NAALADL2: variants seen among roughly 807,000 people sequenced by gnomAD.
NAALADL2 encodes N-acetylated alpha-linked acidic dipeptidase like 2.
NAALADL2 carries 76 observed loss-of-function variants against 87.2 expected under a neutral mutation model. The ratio of observed to expected loss-of-function variants is 0.87; its 90% CI spans 0.72 to 1.05. NAALADL2 has a LOEUF of 1.05. Ranked by LOEUF, NAALADL2 falls within the 50% of genes least tolerant of loss-of-function variation. The pLI is 0.00. For synonymous variants in NAALADL2, 354 were observed against 331.0 expected, an observed-to-expected ratio of 1.07 and a Z score of -0.75; for missense variants, 1,089 against 945.8, an observed-to-expected ratio of 1.15 and a Z score of -1.99.
intron 1 of NAALADL2, among the ~76,000 whole-genome samples, chr3:174,982,184 A>G (rs1745213663): frequency 6.6e-6 from 1 of 152,158 alleles, no homozygotes; most frequent in African/African-American, 2.4e-5. Flanking sequence ...GGCAGTTTTT[A>G]GATAGTCTGG....
chr3:175,250,253 C>CTGTGTGTGTGTGTGTGTG (rs147841608), intron 3 of NAALADL2, among the ~76,000 whole-genome samples: 1 of 146,084 alleles, frequency 6.8e-6, no homozygotes, highest in Non-Finnish European at 1.5e-5. Flanking sequence ...CTCACTTTTT[C>CTGTGTGTGTGTGTGTGTG]TGTGTGTGTG....
chr3:174,924,248 C>T (rs1458106158), intron 1 of NAALADL2, among the ~76,000 whole-genome samples: 5 of 118,560 alleles, frequency 4.2e-5, no homozygotes, highest in African/African-American at 1.6e-4. Flanking sequence ...TGCGTGATGT[C>T]CCCCTTCCTG....
chr3:175,137,606 CCT>C (rs1491311499), intron 2 of NAALADL2, among the ~76,000 whole-genome samples: 2 of 104,734 alleles, frequency 1.9e-5, no homozygotes, highest in Admixed American at 1.2e-4. Context: ...AGAGATTGAC[CCT>C]TTTTTTTTTT....
At chr3:174,851,558 T>C (rs1725270375) in intron 3 of NAALADL2, among the ~76,000 whole-genome samples, 1 of 151,930 alleles carries the variant, frequency 6.6e-6, no homozygotes, top group African/African-American at 2.4e-5. Flanking sequence ...CCTACCAGTG[T>C]TGAACTATGA....
intron 9 of NAALADL2, among the ~76,000 whole-genome samples, chr3:175,523,448 C>G (rs1311624078): frequency 6.6e-6 from 1 of 152,214 alleles, no homozygotes; most frequent in Non-Finnish European, 1.5e-5. Context: ...AAAACTTGCT[C>G]TAGATAATCC....
At chr3:174,544,552 CTTT>C (rs967093746) in intron 1 of NAALADL2, among the ~76,000 whole-genome samples, 2 of 142,148 alleles carry the variant, frequency 1.4e-5, no homozygotes, top group African/African-American at 2.6e-5. Flanking sequence ...TCTTTGTTTC[CTTT>C]TTTTTTGTTT....
intron 1 of NAALADL2, among the ~76,000 whole-genome samples, chr3:174,497,510 A>C (rs975591707): frequency 2.0e-5 from 3 of 152,034 alleles, no homozygotes; most frequent in Non-Finnish European, 4.4e-5. Flanking sequence ...CTTATCCTTT[A>C]TTGTATTTCT....
At chr3:174,777,118 T>G (rs1715305370) in intron 3 of NAALADL2, among the ~76,000 whole-genome samples, 1 of 152,068 alleles carries the variant, frequency 6.6e-6, no homozygotes, top group South Asian at 2.1e-4. Context: ...ATACAACAAT[T>G]TCCTCCTTGA....
At chr3:174,561,204 T>C (rs1193039584) in intron 2 of NAALADL2, among the ~76,000 whole-genome samples, 1 of 70,544 alleles carries the variant, frequency 1.4e-5, no homozygotes, top group Non-Finnish European at 2.3e-5. Context: ...AGGATTCCTT[T>C]TTTTTTTTTT....
At chr3:175,211,266 A>AT (rs1264165217) in intron 2 of NAALADL2, among the ~76,000 whole-genome samples, 3 of 152,044 alleles carry the variant, frequency 2.0e-5, no homozygotes, top group African/African-American at 7.2e-5. Flanking sequence ...ATTACGTTTT[A>AT]TGCACATGCT....
chr3:175,354,198 G>A (rs1181825826), intron 5 of NAALADL2, among the ~76,000 whole-genome samples: 2 of 152,092 alleles, frequency 1.3e-5, no homozygotes, highest in Non-Finnish European at 2.9e-5. Flanking sequence ...CCTTATCGAT[G>A]ACACCTTGAT....
At chr3:175,735,140 T>G (rs1309608764) in intron 11 of NAALADL2, among the ~76,000 whole-genome samples, 1 of 152,190 alleles carries the variant, frequency 6.6e-6, no homozygotes, top group Non-Finnish European at 1.5e-5. Context: ...TCGACAAATC[T>G]CTAGGATGGG....
intron 9 of NAALADL2, among the ~76,000 whole-genome samples, chr3:175,544,313 T>G (rs1712909806): frequency 6.6e-6 from 1 of 152,220 alleles, no homozygotes; most frequent in Non-Finnish European, 1.5e-5. Context: ...AGGAAATTTC[T>G]GATTCAAACA....
intron 4 of NAALADL2, among the ~76,000 whole-genome samples, chr3:175,317,807 T>C (rs1206105294): frequency 6.6e-6 from 1 of 152,170 alleles, no homozygotes; most frequent in Non-Finnish European, 1.5e-5. Flanking sequence ...AAAGAAATAA[T>C]GTTAATTGTT....
At chr3:175,679,984 G>A (rs1204948286) in intron 11 of NAALADL2, among the ~76,000 whole-genome samples, 2 of 152,030 alleles carry the variant, frequency 1.3e-5, no homozygotes, top group Non-Finnish European at 2.9e-5. Flanking sequence ...TCATCTGCCT[G>A]AAAAAGGGGA....
chr3:174,823,684 T>A (rs1334035745), intron 3 of NAALADL2, among the ~76,000 whole-genome samples: 1 of 152,194 alleles, frequency 6.6e-6, no homozygotes, highest in East Asian at 1.9e-4. Flanking sequence ...CTCTGTAACA[T>A]AAGTTATTCT....
intron 1 of NAALADL2, among the ~76,000 whole-genome samples, chr3:174,450,869 CAAAAAAA>C (rs761513802): frequency 0.17 from 12,665 of 75,194 alleles, 978 homozygotes; most frequent in East Asian, 0.47. Context: ...GACTCTGTCT[CAAAAAAA>C]AAAAAAAAAA....
At chr3:174,806,253 G>A (rs1719471837) in intron 3 of NAALADL2, among the ~76,000 whole-genome samples, 1 of 152,182 alleles carries the variant, frequency 6.6e-6, no homozygotes, top group African/African-American at 2.4e-5. Flanking sequence ...AGTGAGCCAA[G>A]GGAAAAGTCA....
intron 2 of NAALADL2, among the ~76,000 whole-genome samples, chr3:174,637,770 T>G (rs1722792910): frequency 6.6e-6 from 1 of 152,138 alleles, no homozygotes; most frequent in Non-Finnish European, 1.5e-5. Flanking sequence ...CCAATTTTCA[T>G]TTATAGAAAA....
Sources: allele counts gnomAD v4.1 joint callset (sites outside exome capture counted in the v4.1 genomes callset), GRCh38; gene constraint gnomAD v4.1.1; transcripts MANE v1.5; gene names NCBI Gene and HGNC (gene_info 2026-07-23, HGNC 2026-07-21).